The following MTMR1 variants were observed in gnomAD, a reference collection of about 807,000 sequenced individuals.
The protein encoded by MTMR1 is myotubularin related protein 1.
Under a neutral mutation model 51.6 loss-of-function variants are expected in MTMR1, and 17 were observed. The observed-to-expected ratio is 0.33, with a 90% CI of 0.23 to 0.49. The LOEUF (loss-of-function observed/expected upper bound fraction) is 0.49, where lower values mean the gene tolerates loss of function less well. MTMR1 is among the 20% of genes least tolerant of loss of function. The probability of loss-of-function intolerance (pLI) is 0.99; values close to 1 mark genes in which losing one functional copy is unlikely to be tolerated. For synonymous variants in MTMR1, 201 were observed against 205.6 expected (o/e 0.98, Z 0.19); for missense variants, 386 against 526.9 (o/e 0.73, Z 2.62).
At chrX:150,733,870 T>G (rs1419664811) in intron 10 of MTMR1, among the ~76,000 whole-genome samples, 1 of 111,574 alleles carries the variant, frequency 9.0e-6, no homozygotes, top group Non-Finnish European at 1.9e-5. Context: ...GGTGTCTGAC[T>G]TGAGGGTGAA....
intron 6 of MTMR1, among the ~76,000 whole-genome samples, chrX:150,729,414 T>C (rs1603254465): frequency 8.9e-6 from 1 of 112,288 alleles, no homozygotes; most frequent in South Asian, 3.7e-4. Context: ...TTTACTAAGA[T>C]ATTTTTATGG....
chrX:150,722,012 T>C (rs2041766908), intron 4 of MTMR1, among the ~76,000 whole-genome samples: 1 of 112,164 alleles, frequency 8.9e-6, no homozygotes, highest in Admixed American at 9.5e-5. Context: ...CCTTGAGTTA[T>C]TTAGGAGTGT....
chrX:150,702,684 T>C (rs2040959152), intron 2 of MTMR1, among the ~76,000 whole-genome samples: 1 of 111,865 alleles, frequency 8.9e-6, no homozygotes, highest in African/African-American at 3.3e-5. Flanking sequence ...GCTTGTGATT[T>C]AGTAGATGTT....
At position 150,762,681 on chromosome X, in the gene MTMR1, G is replaced by C. The variant is rs977422740; in HGVS notation, c.1974G>C (p.Arg658=). Residue 658 remains arginine (R), a synonymous_variant, in exon 16 of 16, where the codon CGG becomes CGC. Transcript: ENST00000445323. ...GCGCCGTCTCATCCTCATCTGAGCGGGGCTCCTCGCCCTCCCACTCCGCCA... is the reference window on the plus strand; with the variant it reads ...GCGCCGTCTCATCCTCATCTGAGCGCGGCTCCTCGCCCTCCCACTCCGCCA... The part of the protein sequence containing the change: ...ATRAVSSSSE[R]GSSPSHSATS... The C allele has an allele frequency of 4.2e-6, 5 of 1,192,728 alleles. No individual in the cohort carries two copies. The highest frequency in any genetic ancestry group is 5.7e-6 in the Non-Finnish European group (5 of 884,783).
chrX:150,729,678 C>A (rs1203524011), intron 6 of MTMR1, among the ~76,000 whole-genome samples: 1 of 112,322 alleles, frequency 8.9e-6, no homozygotes, highest in African/African-American at 3.2e-5. Flanking sequence ...TGTAACCCTC[C>A]ACAGATAGCC....
chrX:150,709,576 T>G (rs1210499242), intron 2 of MTMR1, among the ~76,000 whole-genome samples: 1 of 111,732 alleles, frequency 8.9e-6, no homozygotes, highest in Non-Finnish European at 1.9e-5. Context: ...GAAAAGAGGT[T>G]TACTGGGCTC....
chrX:150,717,901 A>T (rs782681287), intron 3 of MTMR1, among the ~76,000 whole-genome samples: 1 of 113,148 alleles, frequency 8.8e-6, no homozygotes, highest in Admixed American at 9.2e-5. Context: ...TTGTCTTGAG[A>T]CATGCCTGAC....
At position 150,727,191 on chromosome X, in the gene MTMR1, G is replaced by C. The variant is rs782280398; in HGVS notation, c.353-24G>C. ...GAAGCACAAGTCTATGGCAGTAGTT[G>C]CTACTTTGGCCTTTTTCTTTCAGTG... On this transcript the variant is annotated intron_variant, in intron 4 of 15. Transcript: ENST00000445323. 11 of 1,063,262 alleles carry C rather than the reference G, an allele frequency of 1.0e-5. 1 individual carries two copies. In the East Asian group the frequency reaches 3.3e-4, roughly 32 times the overall value. The allele number at this position is 1,063,262 out of a possible 1,213,427, so 87.6% of individuals were successfully genotyped here. A position where few individuals can be genotyped will look rare whatever the true frequency, so the allele number is the denominator to read the frequency against.
chrX:150,751,910 C>CTTTTTTTTTTTTTTTTT (rs35937277), intron 14 of MTMR1, among the ~76,000 whole-genome samples: 1 of 41,609 alleles, frequency 2.4e-5, no homozygotes, highest in Admixed American at 3.0e-4. Flanking sequence ...CTTTTTCTTT[C>CTTTTTTTTTTTTTTTTT]TTTTTTTTTT....
At chrX:150,730,491 A>G (rs1557416949) in intron 7 of MTMR1, 34 bp from the exon 8 acceptor site, 1 of 963,344 alleles carries the variant, frequency 1.0e-6, no homozygotes, top group Non-Finnish European at 1.4e-6. Flanking sequence ...AAAAAGAAAT[A>G]GTAACATATG....
rs782789550 is a variant in MTMR1 at position 150,734,598 on chromosome X, G to A, written c.1080+1868G>A. Among the ~76,000 whole-genome samples the A allele has an allele frequency of 4.4e-5, 5 of 112,845 alleles. 1 individual carries two copies. The South Asian group carries it at 1.8e-3, about 41-fold the overall frequency. On this transcript the variant is annotated intron_variant, in intron 10 of 15. Coordinates refer to ENST00000445323, the MANE Select transcript of MTMR1 (RefSeq NM_001306144.3). Reference sequence around the variant, plus strand: ...CCATCTTCAGACTAGCCAACAGGGTGAGGGCAGTTCATTGTGTTTTATCCC... The same window carrying A: ...CCATCTTCAGACTAGCCAACAGGGTAAGGGCAGTTCATTGTGTTTTATCCC...
In MTMR1 at chrX:150,765,024, C is replaced by T. The variant is rs1460056563; in HGVS notation, c.*2295C>T. The T allele has an allele frequency of 1.8e-5, 2 of 111,629 alleles. No homozygotes were observed. Among genetic ancestry groups the T allele is most frequent in the South Asian group, 3.7e-4 (1 of 2,693 alleles). 9.2% of individuals were successfully genotyped at this position (111,629 alleles called of 1,213,427 possible). On this transcript the variant is annotated 3_prime_UTR_variant, in exon 16 of 16. Transcript: ENST00000445323. ...TAACATGGATTGAATGTTTACTGTG[C>T]GTCAAGCACAGTTAATATATGATGA...
chrX:150,762,036 G>A (rs1193053575), intron 15 of MTMR1, among the ~76,000 whole-genome samples: 1 of 112,698 alleles, frequency 8.9e-6, no homozygotes, highest in Non-Finnish European at 1.9e-5. Context: ...CCCGCTCCGG[G>A]GGGCTTCTGG....
chrX:150,724,305 A>G (rs1167416713), intron 4 of MTMR1, among the ~76,000 whole-genome samples: 2 of 109,112 alleles, frequency 1.8e-5, no homozygotes, highest in African/African-American at 6.7e-5. Context: ...ATGGTATCTC[A>G]TTGTGGTTTT....
At chrX:150,759,631 G>A (rs889690836) in intron 15 of MTMR1, among the ~76,000 whole-genome samples, 13 of 109,665 alleles carry the variant, frequency 1.2e-4, no homozygotes, top group African/African-American at 3.3e-4. Context: ...CTTGCCCGCC[G>A]CGTGAGGCAG....
At chrX:150,749,282 A>T (rs2042663137) in intron 13 of MTMR1, among the ~76,000 whole-genome samples, 1 of 112,661 alleles carries the variant, frequency 8.9e-6, no homozygotes, top group African/African-American at 3.2e-5. Flanking sequence ...TAGTAAAGCT[A>T]AACTAAAAAA....
chrX:150,697,526 A>G (rs7890106), intron 1 of MTMR1, among the ~76,000 whole-genome samples: 12,406 of 110,285 alleles, frequency 0.11, 1,051 homozygotes, highest in African/African-American at 0.29. Flanking sequence ...TTAGCCCTCT[A>G]GCTTGATTTC....
chrX:150,694,330 G>A (rs1569565601), intron 1 of MTMR1, among the ~76,000 whole-genome samples: 1 of 112,088 alleles, frequency 8.9e-6, no homozygotes, highest in Non-Finnish European at 1.9e-5. Context: ...CTGCTTCTGA[G>A]GCAGCTGCAG....
At chrX:150,736,360 A>T (rs1223529533) in intron 10 of MTMR1, 2 of 346,845 alleles carry the variant, frequency 5.8e-6, no homozygotes, top group African/African-American at 2.6e-5. Context: ...GGCACTGCCG[A>T]TACCTTGAAT....
Sources: gnomAD v4.1 joint callset for allele counts (sites outside exome capture counted in the v4.1 genomes callset) on GRCh38, gnomAD v4.1.1 for gene constraint, MANE v1.5 for transcripts, NCBI Gene and HGNC (gene_info 2026-07-23, HGNC 2026-07-21) for gene names.